The following MYO18A variants were observed in gnomAD, a reference collection of about 807,000 sequenced individuals.
The protein encoded by MYO18A is unconventional myosin-XVIIIa.
A neutral mutation model predicts 235.8 loss-of-function variants in MYO18A; 78 were observed. The ratio of observed to expected loss-of-function variants is 0.33; its 90% CI spans 0.28 to 0.40. The LOEUF is 0.40. MYO18A is among the 10% of genes least tolerant of loss of function. MYO18A has a pLI of 1.00. For missense variants in MYO18A, 2,215 were observed against 2,699.3 expected, an observed-to-expected ratio of 0.82 and a Z score of 3.98; for synonymous variants, 977 against 1,077.8, an observed-to-expected ratio of 0.91 and a Z score of 1.83.
intron 2 of MYO18A, among the ~76,000 whole-genome samples, chr17:29,145,425 C>G (rs2152935231): frequency 6.6e-6 from 1 of 152,320 alleles, no homozygotes; most frequent in South Asian, 2.1e-4. Flanking sequence ...AGTGGCTAAG[C>G]AGAGCTGGGG....
chr17:29,080,207 C>G lies in MYO18A; in HGVS notation c.6020+2109G>C, dbSNP rs909904096. ...CTCTTCCTGTCATCCTCCTCGGAGTCGGGCTCCAGGCTGCTCCGCTGGAAT... is the reference window on the plus strand; with the variant it reads ...CTCTTCCTGTCATCCTCCTCGGAGTGGGGCTCCAGGCTGCTCCGCTGGAAT... On this transcript the variant is annotated intron_variant, in intron 41 of 41. Coordinates refer to ENST00000527372, the MANE Select transcript of MYO18A (RefSeq NM_078471.4). 7 of 985,928 alleles carry G rather than the reference C, an allele frequency of 7.1e-6. No individual in the cohort carries two copies. In the African/African-American group the frequency reaches 1.2e-4, roughly 17 times the overall value. 61.1% of individuals were successfully genotyped at this position (985,928 alleles called of 1,614,324 possible).
rs1381439777 is a variant in MYO18A at position 29,124,712 on chromosome 17, GAGAGAGA to G, written c.1000-2466_1000-2460del. 2.3e-6 allele frequency: 3 copies of G among 1,279,070 alleles called. No individual in the cohort carries two copies. In the African/African-American group the frequency reaches 4.6e-5, roughly 19 times the overall value. 79.2% of individuals were successfully genotyped at this position (1,279,070 alleles called of 1,614,324 possible). A position where few individuals can be genotyped will look rare whatever the true frequency, so the allele number is the denominator to read the frequency against. On this transcript the variant is annotated intron_variant, in intron 2 of 41. Coordinates refer to ENST00000527372, the MANE Select transcript of MYO18A (RefSeq NM_078471.4). ...AGCTACCGACAGCAAGCAAAGGAGAGAGAGAGAAGAAGGGTGAAGATAAGCAGACCAC... is the reference window on the plus strand; with the variant it reads ...AGCTACCGACAGCAAGCAAAGGAGAGAGAAGGGTGAAGATAAGCAGACCAC...
Position 29,126,775 on chromosome 17 carries a change from A to G in MYO18A, c.1000-4522T>C, listed in dbSNP as rs73268383. On this transcript the variant is annotated intron_variant, in intron 2 of 41. Transcript: ENST00000527372. The surrounding 1 kb of genome is among the most constrained non-coding windows in gnomAD (Gnocchi z 4.1). ...GGAAGCTTGAAGAGAACTGTCCCCA[A>G]CTCAGAGGCCAGCCAAGAAGGCAAC... Among the ~76,000 whole-genome samples, 1 of 152,100 alleles carries G rather than the reference A, an allele frequency of 6.6e-6. No homozygotes were observed. Among genetic ancestry groups the G allele is most frequent in the African/African-American group, 2.4e-5 (1 of 41,386 alleles).
chr17:29,083,516 ATGTGTG>A (rs760677361), intron 40 of MYO18A, among the ~76,000 whole-genome samples: 53,936 of 143,564 alleles, frequency 0.38, 11,514 homozygotes, highest in East Asian at 0.84. Context: ...CCACACAGGC[ATGTGTG>A]CGCGCGCGCG....
rs749001538 is a variant in MYO18A, at chr17:29,118,330, A to AC, written c.1893+46dup. On this transcript the variant is annotated intron_variant, in intron 9 of 41. Transcript: ENST00000527372. The surrounding 1 kb of genome is among the most constrained non-coding windows in gnomAD (Gnocchi z 4.2). ...CACAGGACCCATGGAGGCTTCTCCT[A>AC]CCCCCAAGGCCCAGGGCTGGCAACC... The AC allele has an allele frequency of 1.3e-6, 2 of 1,580,002 alleles. No individual in the cohort carries two copies. The highest frequency in any genetic ancestry group is 1.1e-5 in the South Asian group (1 of 88,420).
At chr17:29,146,264 A>G (rs577404803) in intron 2 of MYO18A, among the ~76,000 whole-genome samples, 2 of 152,218 alleles carry the variant, frequency 1.3e-5, no homozygotes, top group East Asian at 3.9e-4. Context: ...TCTCAAAAAA[A>G]TAAAATAAAA....
At chr17:29,080,978 C>G (rs991151149) in intron 41 of MYO18A, 1 of 985,350 alleles carries the variant, frequency 1.0e-6, no homozygotes, top group African/African-American at 1.7e-5. Context: ...CTCTCCTCCA[C>G]CCCCGGGGCC....
chr17:29,080,095 C>A (rs1436743352), intron 41 of MYO18A: 2 of 985,782 alleles, frequency 2.0e-6, no homozygotes, highest in Non-Finnish European at 2.4e-6. Flanking sequence ...GCTGCGGGAC[C>A]GGGACACATC....
At chr17:29,091,379 G>A (rs563298153) in intron 34 of MYO18A, 108 of 332,650 alleles carry the variant, frequency 3.2e-4, no homozygotes, top group South Asian at 2.3e-3. Context: ...ATCCAGCCCC[G>A]ACAGCCAGTC....
At chr17:29,155,760 G>C (rs1317776264) in intron 2 of MYO18A, among the ~76,000 whole-genome samples, 3 of 152,220 alleles carry the variant, frequency 2.0e-5, no homozygotes, top group Non-Finnish European at 4.4e-5. Context: ...TCCCCTCCCT[G>C]ACTCATGTTC....
Position 29,140,465 on chromosome 17 carries a change from C to G in MYO18A, c.1000-18212G>C. 1 of 1,211,768 alleles carries G rather than the reference C, an allele frequency of 8.3e-7. No individual in the cohort carries two copies. The allele number at this position is 1,211,768 out of a possible 1,614,324, so 75.1% of individuals were successfully genotyped here. ...CCAGTTCCCGCCCTCTCCCCGGCCC[C>G]TCCCGTCCCGAGCTGCCCAGCCCTA... On this transcript the variant is annotated intron_variant, in intron 2 of 41. Coordinates refer to ENST00000527372, the MANE Select transcript of MYO18A (RefSeq NM_078471.4). This position sits in a 1 kb window ranked among gnomAD's most constrained non-coding sequence, Gnocchi z 4.2.
At chr17:29,105,273 G>A (rs1443563379) in intron 20 of MYO18A, among the ~76,000 whole-genome samples, 2 of 151,958 alleles carry the variant, frequency 1.3e-5, no homozygotes, top group African/African-American at 2.4e-5. Context: ...CAGGGAGAGG[G>A]ACCAGGCAGC....
rs370973356 is a variant in MYO18A at position 29,114,900 on chromosome 17, G to C, written c.2511+7C>G. 4.1e-5 allele frequency: 66 copies of C among 1,610,466 alleles called. No individual in the cohort carries two copies. The highest frequency in any genetic ancestry group is 5.3e-5 in the Non-Finnish European group (62 of 1,177,766). ...GAGGCTAGATGAGGCCCAGGCCCCA[G>C]AGCTACCTCCTTGTATCTTTCCAAC... On this transcript the variant is annotated splice_region_variant and intron_variant, in intron 14 of 41. Transcript: ENST00000527372.
At position 29,166,852 on chromosome 17, in the gene MYO18A, G is replaced by A. The variant is rs750272704; in HGVS notation, c.89C>T (p.Ala30Val). ...CTCCTCCAGGCTCCGAAGCTCTGCC[G>A]CTGACATCCGCTCCTTTTTCTCCTT... ...EKKEKKERMS[A>V]AELRSLEEMS... The change falls in exon 2 of 42, where the codon GCG (alanine) becomes GTG (valine). Residue 30 changes from alanine to valine, a missense_variant. Coordinates refer to ENST00000527372, the MANE Select transcript of MYO18A (RefSeq NM_078471.4). 42 of 1,565,614 alleles carry A rather than the reference G, an allele frequency of 2.7e-5. No homozygotes were observed. The highest frequency in any genetic ancestry group is 1.2e-4 in the East Asian group (5 of 41,808).
At chr17:29,167,057 G>T in intron 1 of MYO18A, 36 bp from the exon 2 acceptor site, 2 of 1,390,184 alleles carry the variant, frequency 1.4e-6, no homozygotes, top group South Asian at 1.6e-5. Flanking sequence ...AAGGTTATTC[G>T]AACAGAGCCT....
At chr17:29,101,057 G>T (rs1312831402) in intron 21 of MYO18A, among the ~76,000 whole-genome samples, 25 of 152,162 alleles carry the variant, frequency 1.6e-4, no homozygotes. Context: ...GAGTAAAGTG[G>T]TGTGATCATC....
chr17:29,103,733 C>CCG, intron 20 of MYO18A, 69 bp from the exon 21 acceptor site: 1 of 1,489,368 alleles, frequency 6.7e-7, no homozygotes, highest in African/African-American at 1.4e-5. Flanking sequence ...TTTCTCCAGG[C>CCG]CCTTGGCCCT....
At chr17:29,089,543 A>T (rs368996927) in intron 37 of MYO18A, among the ~76,000 whole-genome samples, 1 of 151,102 alleles carries the variant, frequency 6.6e-6, no homozygotes, top group South Asian at 2.1e-4. Flanking sequence ...GAAGAAAGGG[A>T]ATGAAGCAGG....
chr17:29,169,743 T>C (rs922173697), intron 1 of MYO18A, among the ~76,000 whole-genome samples: 1 of 152,146 alleles, frequency 6.6e-6, no homozygotes, highest in Non-Finnish European at 1.5e-5. Context: ...AAGAGTATCA[T>C]GGCCTCAGTT....
Sources: allele counts gnomAD v4.1 joint callset (sites outside exome capture counted in the v4.1 genomes callset), GRCh38; gene constraint gnomAD v4.1.1; non-coding constraint Gnocchi (gnomAD v3.1); transcripts MANE v1.5; gene names NCBI Gene and HGNC (gene_info 2026-07-23, HGNC 2026-07-21).